FSTL5: variants seen among roughly 807,000 people sequenced by gnomAD.
FSTL5 encodes follistatin-related protein 5.
In FSTL5, 62 loss-of-function variants were observed where a neutral mutation model predicts 89.1. That is an observed-to-expected ratio of 0.70 (90% confidence interval 0.57 to 0.86). FSTL5 has a LOEUF of 0.86. Ranked by LOEUF, FSTL5 falls within the 40% of genes least tolerant of loss-of-function variation. FSTL5 has a pLI of 0.00. For synonymous variants in FSTL5, 383 were observed against 346.2 expected (o/e 1.11, Z -1.18); for missense variants, 1,057 against 1,001.6 (o/e 1.06, Z -0.75).
At chr4:161,871,260 G>T (rs1732253302) in intron 4 of FSTL5, among the ~76,000 whole-genome samples, 1 of 151,922 alleles carries the variant, frequency 6.6e-6, no homozygotes, top group Non-Finnish European at 1.5e-5. Context: ...ACATAACATA[G>T]ATATTAGCCA....
In FSTL5 at chr4:161,996,467, AC is replaced by A. The variant is rs1246488908; in HGVS notation, c.160+37157del. Among the ~76,000 whole-genome samples, 4 of 151,954 alleles carry A rather than the reference AC, an allele frequency of 2.6e-5. No homozygotes were observed. In the East Asian group the frequency reaches 7.7e-4, roughly 29 times the overall value. On this transcript the variant is annotated intron_variant, in intron 3 of 15. Coordinates refer to ENST00000306100, the MANE Select transcript of FSTL5 (RefSeq NM_020116.5). ...ATCCCAAACCTCCCCCACCACTCAA[AC>A]TTCATTGTCATTGCTATAATTTTAG...
intron 4 of FSTL5, among the ~76,000 whole-genome samples, chr4:161,852,984 C>A (rs1731603717): frequency 6.6e-6 from 1 of 152,296 alleles, no homozygotes; most frequent in Middle Eastern, 3.4e-3. Flanking sequence ...GCATGTACCC[C>A]TGAACTTCAA....
intron 4 of FSTL5, among the ~76,000 whole-genome samples, chr4:161,864,546 G>A (rs1310286306): frequency 6.6e-6 from 1 of 152,140 alleles, no homozygotes. Context: ...AAGTTGGGAA[G>A]CTGGTGCAAT....
chr4:161,951,630 T>C (rs1734898154), intron 3 of FSTL5, among the ~76,000 whole-genome samples: 1 of 152,122 alleles, frequency 6.6e-6, no homozygotes, highest in Admixed American at 6.6e-5. Context: ...GAGATAGCTT[T>C]GAAATTAACC....
intron 1 of FSTL5, among the ~76,000 whole-genome samples, chr4:162,117,773 C>T (rs1216549635): frequency 6.6e-6 from 1 of 152,068 alleles, no homozygotes; most frequent in African/African-American, 2.4e-5. Flanking sequence ...AAAGACAGAA[C>T]TATGTTAATC....
intron 3 of FSTL5, among the ~76,000 whole-genome samples, chr4:161,988,507 C>T (rs1033385465): frequency 1.3e-5 from 2 of 152,038 alleles, no homozygotes; most frequent in African/African-American, 4.8e-5. Context: ...CAGTTAAAAA[C>T]TTCCACATTA....
intron 10 of FSTL5, among the ~76,000 whole-genome samples, chr4:161,525,520 A>C (rs1731187771): frequency 6.6e-6 from 1 of 152,188 alleles, no homozygotes; most frequent in Admixed American, 6.5e-5. Flanking sequence ...TAGCCATTTC[A>C]AAGTGTATGC....
At chr4:161,660,452 TG>T (rs1736666842) in intron 6 of FSTL5, among the ~76,000 whole-genome samples, 1 of 152,262 alleles carries the variant, frequency 6.6e-6, no homozygotes, top group South Asian at 2.1e-4. Flanking sequence ...AATATAAATT[TG>T]GGTAAAAATA....
chr4:161,800,703 G>A (rs1729763980), intron 4 of FSTL5, among the ~76,000 whole-genome samples: 2 of 151,496 alleles, frequency 1.3e-5, no homozygotes, highest in Non-Finnish European at 3.0e-5. Context: ...TTCTATTAAG[G>A]TTGAGTGATG....
intron 14 of FSTL5, among the ~76,000 whole-genome samples, chr4:161,458,957 T>C (rs1037874053): frequency 6.6e-6 from 1 of 152,212 alleles, no homozygotes; most frequent in Non-Finnish European, 1.5e-5. Context: ...TTCCTCCTAA[T>C]GGCATCAGCT....
At chr4:162,106,742 C>T (rs548893205) in intron 2 of FSTL5, among the ~76,000 whole-genome samples, 22 of 152,114 alleles carry the variant, frequency 1.4e-4, no homozygotes, top group African/African-American at 5.3e-4. Context: ...TTGCAGATAA[C>T]GCTAAGGTTT....
intron 2 of FSTL5, among the ~76,000 whole-genome samples, chr4:162,097,356 T>C (rs879353158): frequency 6.6e-6 from 1 of 151,838 alleles, no homozygotes; most frequent in Non-Finnish European, 1.5e-5. Flanking sequence ...GTATATGTAA[T>C]ACTTGTGTAT....
chr4:161,990,200 A>T (rs1321946745), intron 3 of FSTL5, among the ~76,000 whole-genome samples: 3 of 152,138 alleles, frequency 2.0e-5, no homozygotes, highest in Non-Finnish European at 1.5e-5. Context: ...AGAAAATTAG[A>T]CTATACAACC....
At chr4:161,692,102 T>C (rs1272667841) in intron 6 of FSTL5, among the ~76,000 whole-genome samples, 1 of 152,136 alleles carries the variant, frequency 6.6e-6, no homozygotes, top group East Asian at 1.9e-4. Context: ...CATGTATGAC[T>C]TGCAGTATAA....
At chr4:161,470,145 C>T (rs1320242875) in intron 13 of FSTL5, among the ~76,000 whole-genome samples, 1 of 151,850 alleles carries the variant, frequency 6.6e-6, no homozygotes, top group East Asian at 1.9e-4. Flanking sequence ...ATTGCTTGTG[C>T]CTTTGTTGTC....
chr4:161,444,976 C>T (rs1243360800), intron 15 of FSTL5, among the ~76,000 whole-genome samples: 1 of 151,918 alleles, frequency 6.6e-6, no homozygotes, highest in East Asian at 1.9e-4. Context: ...AGCTCAGTAT[C>T]TGGCATAGAG....
chr4:161,557,508 C>G (rs1339303943), intron 8 of FSTL5, among the ~76,000 whole-genome samples: 1 of 151,548 alleles, frequency 6.6e-6, no homozygotes, highest in Non-Finnish European at 1.5e-5. Flanking sequence ...GAATAAATTG[C>G]TACAAAATTT....
chr4:161,741,520 A>G (rs576004297), intron 6 of FSTL5, among the ~76,000 whole-genome samples: 6 of 152,230 alleles, frequency 3.9e-5, no homozygotes, highest in African/African-American at 1.4e-4. Flanking sequence ...TTAATAACTT[A>G]GTGTTGCTTT....
At chr4:161,959,853 G>A (rs749179243) in intron 3 of FSTL5, among the ~76,000 whole-genome samples, 1 of 152,066 alleles carries the variant, frequency 6.6e-6, no homozygotes, top group Non-Finnish European at 1.5e-5. Context: ...TGTCTTGGTT[G>A]TCTAGAAGAA....
Sources: gnomAD v4.1 joint callset for allele counts (sites outside exome capture counted in the v4.1 genomes callset) on GRCh38, gnomAD v4.1.1 for gene constraint, MANE v1.5 for transcripts, NCBI Gene and HGNC (gene_info 2026-07-23, HGNC 2026-07-21) for gene names.